Variants in CCDC77 observed in about 807,000 individuals in gnomAD.
The protein encoded by CCDC77 is coiled-coil domain-containing protein 77.
In CCDC77, 56 loss-of-function variants were observed where a neutral mutation model predicts 66.8. The observed-to-expected ratio is 0.84, with a 90% CI of 0.68 to 1.05. The LOEUF is 1.05. CCDC77 is among the 50% of genes least tolerant of loss of function. The probability of loss-of-function intolerance (pLI) is 0.00; values close to 1 mark genes in which losing one functional copy is unlikely to be tolerated. For synonymous variants in CCDC77, 196 were observed against 195.2 expected (o/e 1.00, Z -0.03); for missense variants, 570 against 576.8 (o/e 0.99, Z 0.12).
At chr12:437,661 A>G (rs999945221) in intron 9 of CCDC77, among the ~76,000 whole-genome samples, 5 of 151,998 alleles carry the variant, frequency 3.3e-5, no homozygotes, top group South Asian at 2.1e-4. Flanking sequence ...CCTAAGGAAC[A>G]TAGCAAGACC....
chr12:398,543 G>A (rs1019254442), upstream of CCDC77, among the ~76,000 whole-genome samples: 10 of 150,778 alleles, frequency 6.6e-5, no homozygotes, highest in Middle Eastern at 3.4e-3. Flanking sequence ...GGGTTCAAGC[G>A]ATTCTCCTGC....
intron 1 of CCDC77, among the ~76,000 whole-genome samples, chr12:393,383 G>A (rs542392619): frequency 1.3e-5 from 2 of 152,112 alleles, no homozygotes; most frequent in African/African-American, 2.4e-5. Context: ...AAAGTGCTGC[G>A]ATTACAGGCA....
chr12:409,283 G>T (rs1228873324), intron 2 of CCDC77, 85 bp from the exon 3 acceptor site: 1 of 885,716 alleles, frequency 1.1e-6, no homozygotes, highest in African/African-American at 1.7e-5. Context: ...ATATGATGAT[G>T]TTGAAGAGGG....
intron 9 of CCDC77, among the ~76,000 whole-genome samples, chr12:436,227 C>T (rs1300815018): frequency 1.3e-5 from 2 of 150,872 alleles, no homozygotes; most frequent in African/African-American, 2.4e-5. Context: ...ATGCCATTCT[C>T]CTGCCTCAGC....
intron 4 of CCDC77, among the ~76,000 whole-genome samples, chr12:413,763 G>T (rs898214574): frequency 5.9e-5 from 9 of 151,446 alleles, no homozygotes; most frequent in African/African-American, 2.2e-4. Context: ...GAGTAGCTGG[G>T]ATTACAGGTG....
chr12:395,790 AGG>A (rs1221849658), intron 1 of CCDC77, among the ~76,000 whole-genome samples: 1 of 152,116 alleles, frequency 6.6e-6, no homozygotes, highest in Non-Finnish European at 1.5e-5. Flanking sequence ...GCCACTTGGG[AGG>A]CTAAGGCAAG....
intron 5 of CCDC77, among the ~76,000 whole-genome samples, chr12:426,892 ATATC>A (rs537398725): frequency 2.9e-3 from 448 of 152,222 alleles, no homozygotes; most frequent in Non-Finnish European, 4.8e-3. Context: ...ATTACCATGA[ATATC>A]TACTCTGTGG....
At chr12:411,260 G>A (rs911254911) in intron 3 of CCDC77, among the ~76,000 whole-genome samples, 1 of 151,190 alleles carries the variant, frequency 6.6e-6, no homozygotes, top group African/African-American at 2.4e-5. Flanking sequence ...TGCAACCTCT[G>A]CCTCCCAGGT....
rs575395639 is a variant in CCDC77, at chr12:414,621, T to G, written c.270+2643T>G. Among the ~76,000 whole-genome samples the G allele has an allele frequency of 2.0e-5, 3 of 152,250 alleles. No homozygotes were observed. In the East Asian group the frequency reaches 5.8e-4, roughly 29 times the overall value. On this transcript the variant is annotated intron_variant, in intron 4 of 12. Coordinates refer to ENST00000239830, the MANE Select transcript of CCDC77 (RefSeq NM_032358.4). ...CTGAGGCTCCTTTCTCTACCCTCCC[T>G]TCCCCACCCGCACATGTACTGCCAC... is the stretch of plus-strand genomic sequence containing the variant.
In CCDC77 at chr12:439,064, C is replaced by T. The variant is rs183996932; in HGVS notation, c.1041+510C>T. Among the ~76,000 whole-genome samples the T allele has an allele frequency of 4.3e-3, 649 of 151,716 alleles. 5 individuals carry two copies. The highest frequency in any genetic ancestry group is 0.015 in the African/African-American group (623 of 41,348). ...CTGCACTCCAGCCCCGATGACAGTGCGAGACTGTGTCTCAAAACAAACACA... is the reference window on the plus strand; with the variant it reads ...CTGCACTCCAGCCCCGATGACAGTGTGAGACTGTGTCTCAAAACAAACACA... On this transcript the variant is annotated intron_variant, in intron 10 of 12. Transcript: ENST00000239830.
chr12:423,529 T>G (rs1945475139), intron 5 of CCDC77, among the ~76,000 whole-genome samples: 1 of 130,700 alleles, frequency 7.7e-6, no homozygotes, highest in Non-Finnish European at 1.6e-5. Context: ...AGGGTCTTGC[T>G]CAGTCACCCA....
rs1482779146 is a variant in CCDC77, at chr12:440,987, G to A, written c.1311G>A (p.Met437Ile). 1.2e-6 allele frequency: 2 copies of A among 1,610,736 alleles called. No individual in the cohort carries two copies. The highest frequency in any genetic ancestry group is 3.3e-5 in the Admixed American group (2 of 60,024). ...LRQKLKDLEQMLYKATVNARA... is the reference protein window; with the variant it reads ...LRQKLKDLEQILYKATVNARA... Reference sequence around the variant, plus strand: ...AGAAACTGAAAGACTTGGAGCAAATGTTGTATAAGGTAATTGCTGGTCCTG... The same window carrying A: ...AGAAACTGAAAGACTTGGAGCAAATATTGTATAAGGTAATTGCTGGTCCTG... The change falls in exon 12 of 13, where the codon ATG (methionine) becomes ATA (isoleucine). Residue 437 changes from methionine to isoleucine, a missense_variant. Coordinates refer to ENST00000239830, the MANE Select transcript of CCDC77 (RefSeq NM_032358.4).
rs1945869320 is a variant in CCDC77, at chr12:442,152, C to G, written c.*232C>G. On this transcript the variant is annotated 3_prime_UTR_variant, in exon 13 of 13. Transcript: ENST00000239830. ...CACTTGCGAGGAGTAGGGGCCTGGT[C>G]CTGAATGACTTGGAGGCTTTCATTA... 1 of 477,122 alleles carries G rather than the reference C, an allele frequency of 2.1e-6. No homozygotes were observed. The highest frequency in any genetic ancestry group is 5.7e-4 in the Middle Eastern group (1 of 1,758). 29.6% of individuals were successfully genotyped at this position (477,122 alleles called of 1,614,324 possible).
chr12:440,106 G>A (rs952352669), intron 10 of CCDC77, among the ~76,000 whole-genome samples: 2 of 152,194 alleles, frequency 1.3e-5, no homozygotes, highest in African/African-American at 4.8e-5. Context: ...GCCAGCATTG[G>A]CAGCAGCCAG....
At chr12:437,829 G>C (rs1945784126) in intron 9 of CCDC77, among the ~76,000 whole-genome samples, 1 of 126,824 alleles carries the variant, frequency 7.9e-6, no homozygotes, top group African/African-American at 3.1e-5. Context: ...CTACGTGACA[G>C]AGCAAGACCC....
At chr12:425,691 C>T (rs1305694829) in intron 5 of CCDC77, among the ~76,000 whole-genome samples, 1 of 152,102 alleles carries the variant, frequency 6.6e-6, no homozygotes, top group Non-Finnish European at 1.5e-5. Flanking sequence ...GCCTTAAAAA[C>T]TTCACTCATG....
chr12:433,237 C>T lies in CCDC77; in HGVS notation c.736C>T (p.Leu246Phe), dbSNP rs764284504. Reference sequence around the variant, plus strand: ...ACTTTCTCGAGAACAAATTGAAGGGCTCATCGAGGACAGACGGATTCACCT... The same window carrying T: ...ACTTTCTCGAGAACAAATTGAAGGGTTCATCGAGGACAGACGGATTCACCT... The part of the protein sequence containing the change: ...TKLSREQIEG[L>F]IEDRRIHLEE... Residue 246 changes from leucine (L) to phenylalanine (F), a missense_variant, in exon 9 of 13, where the codon CTC (leucine) becomes TTC (phenylalanine). Coordinates refer to ENST00000239830, the MANE Select transcript of CCDC77 (RefSeq NM_032358.4). 3 of 1,613,800 alleles carry T rather than the reference C, an allele frequency of 1.9e-6. No individual in the cohort carries two copies. The highest frequency in any genetic ancestry group is 1.3e-5 in the African/African-American group (1 of 74,848).
At position 438,571 on chromosome 12, in the gene CCDC77, G is replaced by C. The variant is rs113477999; in HGVS notation, c.1041+17G>C. The stretch of plus-strand genomic sequence containing the variant: ...TATATTAAGGTAATGTCCTTATGTC[G>C]TAACGAAGTTGTTTATTTTTCTGGG... On this transcript the variant is annotated intron_variant, in intron 10 of 12. Transcript: ENST00000239830. 16 of 1,558,584 alleles carry C rather than the reference G, an allele frequency of 1.0e-5. No individual in the cohort carries two copies. The highest frequency in any genetic ancestry group is 1.2e-5 in the Non-Finnish European group (14 of 1,141,752).
At chr12:390,736 A>AACACACACACACACACACACACACAC (rs58938735) in intron 1 of CCDC77, among the ~76,000 whole-genome samples, 92 of 149,454 alleles carry the variant, frequency 6.2e-4, no homozygotes, top group African/African-American at 1.8e-3. Flanking sequence ...TATCTTTATA[A>AACACACACACACACACACACACACAC]ACACACACAC....
Sources: allele counts gnomAD v4.1 joint callset (sites outside exome capture counted in the v4.1 genomes callset), GRCh38; gene constraint gnomAD v4.1.1; transcripts MANE v1.5; gene names NCBI Gene and HGNC (gene_info 2026-07-23, HGNC 2026-07-21).